The following AHNAK variants were observed in gnomAD, a reference collection of about 807,000 sequenced individuals.
The protein encoded by AHNAK is neuroblast differentiation-associated protein AHNAK.
In AHNAK, 23 loss-of-function variants were observed where a neutral mutation model predicts 37.8. That is an observed-to-expected ratio of 0.61 (90% CI 0.44 to 0.86). AHNAK has a LOEUF of 0.86. Among genes scored for constraint, AHNAK ranks in the 40% least tolerant of loss-of-function variants. AHNAK has a pLI of 0.00. For missense variants in AHNAK, 7,411 were observed against 7,319.4 expected (o/e 1.01, Z -0.46); for synonymous variants, 2,481 against 2,636.3 (o/e 0.94, Z 1.80).
At position 62,524,971 on chromosome 11, in the gene AHNAK, T is replaced by G; in HGVS notation, c.9446A>C (p.Lys3149Thr). Residue 3149 changes from lysine (K) to threonine (T), a missense_variant, in exon 5 of 5, where the codon AAG (lysine) becomes ACG (threonine). Coordinates refer to ENST00000378024, the MANE Select transcript of AHNAK (RefSeq NM_001620.3). ...VDVQGPDWHL[K>T]MPKIKMPKIS... Reference sequence around the variant, plus strand: ...CTTGGGCATTTTTATTTTAGGCATCTTCAGGTGCCAGTCTGGGCCTTGAAC... The same window carrying G: ...CTTGGGCATTTTTATTTTAGGCATCGTCAGGTGCCAGTCTGGGCCTTGAAC... 1 of 1,613,744 alleles carries G rather than the reference T, an allele frequency of 6.2e-7. No homozygotes were observed.
At position 62,465,648 on chromosome 11, in the gene AHNAK, A is replaced by T. The variant is rs189837717; in HGVS notation, c.442+26084T>A. Among the ~76,000 whole-genome samples the T allele has an allele frequency of 2.7e-3, 408 of 152,080 alleles. 2 individuals are homozygous for T. The highest frequency in any genetic ancestry group is 4.7e-3 in the Non-Finnish European group (320 of 68,004). ...AATAAATAAATAAAAATTAAAATTA[A>T]AATTAAAAAAATTTTACCATGAGGT... On this transcript the variant is annotated intron_variant, in intron 5 of 5. Transcript: ENST00000257247.
intron 5 of AHNAK, among the ~76,000 whole-genome samples, chr11:62,444,155 T>C (rs1002797009): frequency 5.3e-5 from 8 of 152,176 alleles, no homozygotes; most frequent in Non-Finnish European, 5.9e-5. Flanking sequence ...GTAACAACCC[T>C]GGCGATAACA....
At position 62,528,937 on chromosome 11, in the gene AHNAK, G is replaced by A; in HGVS notation, c.5480C>T (p.Pro1827Leu). The A allele has an allele frequency of 6.2e-7, 1 of 1,614,064 alleles. No homozygotes were observed. The highest frequency in any genetic ancestry group is 1.1e-5 in the South Asian group (1 of 91,072). ...VKGPFVEAEV[P>L]DVDLECPDAK... Reference sequence around the variant, plus strand: ...ATCAGGACACTCCAGATCAACATCGGGCACCTCCGCTTCCACAAAAGGACC... The same window carrying A: ...ATCAGGACACTCCAGATCAACATCGAGCACCTCCGCTTCCACAAAAGGACC... Residue 1827 changes from proline to leucine, a missense_variant, in exon 5 of 5, where the codon CCC becomes CTC. Coordinates refer to ENST00000378024, the MANE Select transcript of AHNAK (RefSeq NM_001620.3).
At chr11:62,460,159 C>T (rs535872850) in intron 5 of AHNAK, among the ~76,000 whole-genome samples, 4 of 150,752 alleles carry the variant, frequency 2.7e-5, no homozygotes, top group East Asian at 1.9e-4. Flanking sequence ...TGGTGGCACA[C>T]GCCTGTAATC....
At chr11:62,504,252 C>G (rs555663579) in intron 4 of AHNAK, among the ~76,000 whole-genome samples, 3 of 152,038 alleles carry the variant, frequency 2.0e-5, no homozygotes, top group Admixed American at 6.5e-5. Flanking sequence ...TCAAGAGACA[C>G]GCAATTTTTG....
In AHNAK at chr11:62,530,141, T is replaced by A; in HGVS notation, c.4276A>T (p.Asn1426Tyr). 1 of 1,614,032 alleles carries A rather than the reference T, an allele frequency of 6.2e-7. No homozygotes were observed. Among genetic ancestry groups the A allele is most frequent in the South Asian group, 1.1e-5 (1 of 91,078 alleles). The change falls in exon 5 of 5, where the codon AAT becomes TAT. Residue 1426 changes from asparagine (N) to tyrosine (Y), a missense_variant. Coordinates refer to ENST00000378024, the MANE Select transcript of AHNAK (RefSeq NM_001620.3). ...AGTTTTGCGTCTGGACCTTCAATAT[T>A]CACATCTGGAACTTCAGCATCCATT... Reference protein sequence around the residue: ...PKMDAEVPDVNIEGPDAKLKG... With the variant: ...PKMDAEVPDVYIEGPDAKLKG...
At position 62,462,300 on chromosome 11, in the gene AHNAK, TA is replaced by T. The variant is rs1422122486; in HGVS notation, c.443-28410del. ...TCTCTGGTCCTGCCTCAGCCCTCTT[TA>T]GCACTGACAGTTATTCAAAGCTCAG... On this transcript the variant is annotated intron_variant, in intron 5 of 5. Transcript: ENST00000257247. Among the ~76,000 whole-genome samples the T allele has an allele frequency of 2.0e-5, 3 of 152,138 alleles. No individual in the cohort carries two copies. In the East Asian group the frequency reaches 5.8e-4, roughly 29 times the overall value.
At chr11:62,474,165 GA>G (rs1939096807) in intron 5 of AHNAK, among the ~76,000 whole-genome samples, 2 of 151,136 alleles carry the variant, frequency 1.3e-5, no homozygotes, top group Admixed American at 6.6e-5. Context: ...GAAATCTTGG[GA>G]GGGGGCCCAG....
rs776621889 is a variant in AHNAK at position 62,527,134 on chromosome 11, T to C, written c.7283A>G (p.Asp2428Gly). The C allele has an allele frequency of 4.3e-6, 7 of 1,613,772 alleles. No homozygotes were observed. The highest frequency in any genetic ancestry group is 1.7e-5 in the Admixed American group (1 of 59,952). ...CAATTTGCCCTCTGGTCCCTCAATG[T>C]CAATGTCTGGCCCACTGACATCCAC... ...PHVDVSGPDI[D>G]IEGPEGKLKG... The change falls in exon 5 of 5, where the codon GAC becomes GGC. Residue 2428 changes from aspartate to glycine, a missense_variant. By Grantham distance (94) the Asp-to-Gly change is moderately conservative. Transcript: ENST00000378024.
intron 5 of AHNAK, among the ~76,000 whole-genome samples, chr11:62,485,951 G>A (rs946016185): frequency 2.0e-5 from 3 of 150,590 alleles, no homozygotes; most frequent in East Asian, 2.0e-4. Context: ...AACCTGGGAG[G>A]CGGAGGTTGC....
At chr11:62,434,806 C>T (rs1479525016) in intron 5 of AHNAK, among the ~76,000 whole-genome samples, 4 of 151,940 alleles carry the variant, frequency 2.6e-5, no homozygotes, top group Admixed American at 2.6e-4. Context: ...GTGGCACACA[C>T]TGTAATCCCA....
At chr11:62,457,983 A>G (rs764858519) in intron 5 of AHNAK, among the ~76,000 whole-genome samples, 2 of 144,354 alleles carry the variant, frequency 1.4e-5, no homozygotes, top group Admixed American at 1.5e-4. Context: ...GCGCGATCTC[A>G]GCTCACTGCA....
At chr11:62,458,404 A>G (rs542285638) in intron 5 of AHNAK, among the ~76,000 whole-genome samples, 1 of 152,240 alleles carries the variant, frequency 6.6e-6, no homozygotes, top group South Asian at 2.1e-4. Flanking sequence ...CACAGGATAC[A>G]GTACAGAGTG....
intron 4 of AHNAK, 139 bp from the exon 5 acceptor site, chr11:62,534,213 G>A: frequency 3.8e-6 from 3 of 796,756 alleles, no homozygotes; most frequent in Non-Finnish European, 5.8e-6. Context: ...GAGCCTCCTG[G>A]GGCACAGCAC....
intron 5 of AHNAK, among the ~76,000 whole-genome samples, chr11:62,435,460 G>A (rs576731100): frequency 3.3e-5 from 5 of 152,102 alleles, no homozygotes; most frequent in East Asian, 3.9e-4. Context: ...GCCCAGGCTG[G>A]AATGCAGTGG....
intron 5 of AHNAK, among the ~76,000 whole-genome samples, chr11:62,489,011 C>A (rs113522729): frequency 6.6e-6 from 1 of 151,728 alleles, no homozygotes; most frequent in Non-Finnish European, 1.5e-5. Context: ...GAGGCCCAGG[C>A]GGGTGGATCA....
intron 1 of AHNAK, among the ~76,000 whole-genome samples, chr11:62,541,289 A>G (rs2134265218): frequency 6.6e-6 from 1 of 152,368 alleles, no homozygotes; most frequent in Non-Finnish European, 1.5e-5. Context: ...CGAGGGGAAG[A>G]AAATCACCCC....
chr11:62,526,909 G>C lies in AHNAK; in HGVS notation c.7508C>G (p.Ala2503Gly). 6.2e-7 allele frequency: 1 copy of C among 1,614,132 alleles called. No individual in the cohort carries two copies. Among genetic ancestry groups the C allele is most frequent in the South Asian group, 1.1e-5 (1 of 91,070 alleles). The change falls in exon 5 of 5, where the codon GCT (alanine) becomes GGT (glycine). Residue 2503 changes from alanine (A) to glycine (G), a missense_variant. By Grantham distance (60) the Ala-to-Gly change is moderately conservative. Transcript: ENST00000378024. Reference sequence around the variant, plus strand: ...GGGCATCTTCAGGTGCCAGTCTGGAGCTTGGACATCGGGGGCATTTACATC... The same window carrying C: ...GGGCATCTTCAGGTGCCAGTCTGGACCTTGGACATCGGGGGCATTTACATC... The part of the protein sequence containing the change: ...KVDVNAPDVQ[A>G]PDWHLKMPKM...
In AHNAK at chr11:62,497,686, C is replaced by T. The variant is rs184030306; in HGVS notation, c.343-5855G>A. On this transcript the variant is annotated intron_variant, in intron 4 of 5. Transcript: ENST00000257247. ...TCATAGAAACTGGTAATAGGCCAGG[C>T]GCGGTGGTTCACACCTGTAATCCCA... Among the ~76,000 whole-genome samples, 318 of 152,256 alleles carry T rather than the reference C, an allele frequency of 2.1e-3. 1 individual carries two copies. Among genetic ancestry groups the T allele is most frequent in the African/African-American group, 7.2e-3 (301 of 41,520 alleles).
Sources: gnomAD v4.1 joint callset for allele counts (sites outside exome capture counted in the v4.1 genomes callset) on GRCh38, gnomAD v4.1.1 for gene constraint, MANE v1.5 for transcripts, NCBI Gene and HGNC (gene_info 2026-07-23, HGNC 2026-07-21) for gene names.